The following GRID2 variants were observed in gnomAD, a reference collection of about 807,000 sequenced individuals.
GRID2 encodes glutamate receptor ionotropic, delta-2.
In GRID2, 33 loss-of-function variants were observed where a neutral mutation model predicts 114.8. That is an observed-to-expected ratio of 0.29 (90% CI 0.22 to 0.38). The LOEUF is 0.38. Among genes scored for constraint, GRID2 ranks in the 10% least tolerant of loss-of-function variants. The pLI, the probability that GRID2 is intolerant of heterozygous loss-of-function variation, is 1.00. For synonymous variants in GRID2, 505 were observed against 449.9 expected (o/e 1.12, Z -1.55); for missense variants, 1,184 against 1,257.7 (o/e 0.94, Z 0.89).
chr4:93,019,245 A>G (rs1413689859), intron 2 of GRID2, among the ~76,000 whole-genome samples: 1 of 152,220 alleles, frequency 6.6e-6, no homozygotes, highest in Non-Finnish European at 1.5e-5. Context: ...ACATACTAGA[A>G]GAATTAGATG....
intron 4 of GRID2, among the ~76,000 whole-genome samples, chr4:93,145,249 T>C (rs2149390292): frequency 6.6e-6 from 1 of 152,212 alleles, no homozygotes; most frequent in Non-Finnish European, 1.5e-5. Flanking sequence ...CAATGAAAAC[T>C]CTGTTACGAA....
chr4:93,463,881 C>T (rs545304739), intron 11 of GRID2, among the ~76,000 whole-genome samples: 4 of 151,952 alleles, frequency 2.6e-5, no homozygotes, highest in Non-Finnish European at 4.4e-5. Context: ...CCCAGCTACT[C>T]GGGAGGCTGA....
At chr4:92,412,140 G>A (rs1247035678) in intron 1 of GRID2, among the ~76,000 whole-genome samples, 1 of 151,908 alleles carries the variant, frequency 6.6e-6, no homozygotes, top group African/African-American at 2.4e-5. Flanking sequence ...TGTGTGTGGT[G>A]TGTGTGTTCA....
chr4:92,643,792 A>C (rs1406407987), intron 2 of GRID2, among the ~76,000 whole-genome samples: 1 of 151,784 alleles, frequency 6.6e-6, no homozygotes, highest in East Asian at 1.9e-4. Context: ...TTTAACTGTC[A>C]TACATGCCTT....
At chr4:93,255,628 G>A (rs1316680760) in intron 8 of GRID2, among the ~76,000 whole-genome samples, 1 of 152,030 alleles carries the variant, frequency 6.6e-6, no homozygotes, top group Non-Finnish European at 1.5e-5. Context: ...ATTCTCATGG[G>A]AATGGGTTAG....
intron 2 of GRID2, among the ~76,000 whole-genome samples, chr4:92,789,522 T>G (rs1008998070): frequency 6.6e-6 from 1 of 151,862 alleles, no homozygotes; most frequent in Admixed American, 6.6e-5. Context: ...CTTTGACCAA[T>G]CTTCCAATTA....
At chr4:92,730,096 A>G (rs1490209521) in intron 2 of GRID2, among the ~76,000 whole-genome samples, 1 of 151,992 alleles carries the variant, frequency 6.6e-6, no homozygotes, top group Admixed American at 6.6e-5. Context: ...AAGACAAAAT[A>G]ATTATATCAC....
chr4:93,624,565 T>C (rs1742521102), intron 13 of GRID2, among the ~76,000 whole-genome samples: 1 of 152,188 alleles, frequency 6.6e-6, no homozygotes, highest in African/African-American at 2.4e-5. Context: ...ATCTTTCTTG[T>C]GTCTATTGAA....
intron 1 of GRID2, among the ~76,000 whole-genome samples, chr4:93,804,292 T>G (rs1303715280): frequency 1.3e-5 from 2 of 152,128 alleles, no homozygotes; most frequent in African/African-American, 2.4e-5. Context: ...TCAGGAAAAA[T>G]GAGTCATTAG....
At chr4:92,526,541 A>C (rs62307815) in intron 1 of GRID2, among the ~76,000 whole-genome samples, 3 of 151,848 alleles carry the variant, frequency 2.0e-5, no homozygotes, top group Admixed American at 1.3e-4. Context: ...CCAGGGTTTC[A>C]CCATGTTGGC....
chr4:92,657,720 T>G (rs541050781), intron 2 of GRID2, among the ~76,000 whole-genome samples: 1 of 151,922 alleles, frequency 6.6e-6, no homozygotes, highest in East Asian at 1.9e-4. Context: ...CAGGATTAGT[T>G]TATTTTAATT....
At chr4:93,562,859 A>C (rs1735053667) in intron 13 of GRID2, among the ~76,000 whole-genome samples, 1 of 151,984 alleles carries the variant, frequency 6.6e-6, no homozygotes, top group South Asian at 2.1e-4. Flanking sequence ...GTGAGTCTAT[A>C]TCTGGGCTCT....
At chr4:93,505,705 AAATATT>A (rs1448156986) in intron 12 of GRID2, among the ~76,000 whole-genome samples, 6 of 149,820 alleles carry the variant, frequency 4.0e-5, no homozygotes, top group African/African-American at 1.2e-4. Flanking sequence ...ATTTATTATT[AAATATT>A]AATATATACC....
intron 10 of GRID2, among the ~76,000 whole-genome samples, chr4:93,424,821 G>A (rs1236608539): frequency 6.6e-6 from 1 of 151,736 alleles, no homozygotes; most frequent in Non-Finnish European, 1.5e-5. Context: ...ACTTAATGTT[G>A]TCTCCTAAGT....
intron 8 of GRID2, among the ~76,000 whole-genome samples, chr4:93,290,872 CTTTT>C (rs56735687): frequency 3.4e-5 from 3 of 88,530 alleles, no homozygotes; most frequent in Admixed American, 3.3e-4. Flanking sequence ...ATACAAGTTA[CTTTT>C]TTTTTTTTTT....
chr4:92,901,376 G>T (rs2149480694), intron 2 of GRID2, among the ~76,000 whole-genome samples: 1 of 152,206 alleles, frequency 6.6e-6, no homozygotes, highest in Non-Finnish European at 1.5e-5. Context: ...GTTGCTTGTA[G>T]ATTCTGGATG....
intron 8 of GRID2, among the ~76,000 whole-genome samples, chr4:93,306,847 A>C (rs1178672936): frequency 6.6e-6 from 1 of 152,192 alleles, no homozygotes; most frequent in Non-Finnish European, 1.5e-5. Flanking sequence ...GGTAACTATA[A>C]TAAAGGTTTA....
At chr4:93,400,232 A>C (rs566783558) in intron 9 of GRID2, among the ~76,000 whole-genome samples, 11 of 152,248 alleles carry the variant, frequency 7.2e-5, no homozygotes, top group Admixed American at 2.6e-4. Flanking sequence ...TGGATTGATA[A>C]CTTAGGAGAA....
intron 2 of GRID2, among the ~76,000 whole-genome samples, chr4:92,948,464 CT>C (rs997039674): frequency 4.6e-5 from 7 of 151,618 alleles, no homozygotes; most frequent in Non-Finnish European, 8.9e-5. Context: ...GTTATAGTTA[CT>C]TTTAGTATTT....
Sources: allele counts gnomAD v4.1 joint callset (sites outside exome capture counted in the v4.1 genomes callset), GRCh38; gene constraint gnomAD v4.1.1; transcripts MANE v1.5; gene names NCBI Gene and HGNC (gene_info 2026-07-23, HGNC 2026-07-21).